ANXA10: variants seen among roughly 807,000 people sequenced by gnomAD.
ANXA10 encodes the protein annexin 14.
A neutral mutation model predicts 53.5 loss-of-function variants in ANXA10; 49 were observed. The ratio of observed to expected loss-of-function variants is 0.92; its 90% CI spans 0.73 to 1.16. The LOEUF (loss-of-function observed/expected upper bound fraction) is 1.16. Among genes scored for constraint, ANXA10 ranks in the 50% most tolerant of loss-of-function variants. ANXA10 has a pLI of 0.00. For synonymous variants in ANXA10, 131 were observed against 128.9 expected, an observed-to-expected ratio of 1.02 and a Z score of -0.11; for missense variants, 393 against 394.4, an observed-to-expected ratio of 1.00 and a Z score of 0.03.
chr4:168,166,434 T>C (rs1731879070), intron 6 of ANXA10, among the ~76,000 whole-genome samples: 1 of 152,190 alleles, frequency 6.6e-6, no homozygotes, highest in South Asian at 2.1e-4. Flanking sequence ...CAAATAATAT[T>C]TTTAAAGATA....
At chr4:168,177,033 G>A (rs1407205547) in intron 6 of ANXA10, among the ~76,000 whole-genome samples, 1 of 152,066 alleles carries the variant, frequency 6.6e-6, no homozygotes, top group East Asian at 1.9e-4. Context: ...AGAAGCTACT[G>A]TACTTTCAGT....
chr4:168,098,757 T>A (rs1579197848), intron 1 of ANXA10, among the ~76,000 whole-genome samples: 1 of 152,082 alleles, frequency 6.6e-6, no homozygotes, highest in East Asian at 1.9e-4. Flanking sequence ...TTTATTTATG[T>A]CCTCTAGACA....
chr4:168,096,926 A>ATATATATATATATATG (rs371811709), intron 1 of ANXA10, among the ~76,000 whole-genome samples: 3,198 of 129,758 alleles, frequency 0.025, 66 homozygotes, highest in Non-Finnish European at 0.037. Context: ...ATATATATAT[A>ATATATATATATATATG]TATGTATGTA....
intron 2 of ANXA10, among the ~76,000 whole-genome samples, chr4:168,128,903 G>T (rs28538797): frequency 0.022 from 3,369 of 151,850 alleles, 119 homozygotes; most frequent in African/African-American, 0.076. Context: ...AAAGTATATA[G>T]AGAGAGAAGA....
chr4:168,167,852 T>A, intron 6 of ANXA10, among the ~76,000 whole-genome samples: 1 of 152,212 alleles, frequency 6.6e-6, no homozygotes, highest in Non-Finnish European at 1.5e-5. Context: ...AAGGTAAAAC[T>A]GGCCGGGTAT....
chr4:168,131,122 T>C lies in ANXA10; in HGVS notation c.100+2957T>C, dbSNP rs539965475. Among the ~76,000 whole-genome samples, 6 of 152,126 alleles carry C rather than the reference T, an allele frequency of 3.9e-5. No homozygotes were observed. The South Asian group carries it at 1.0e-3, about 26-fold the overall frequency. ...ATTTCTTTTTGTTTCTCTATATGCA[T>C]TTTTCTCTAAGCATTGCTTTTGCTC... On this transcript the variant is annotated intron_variant, in intron 2 of 11. Coordinates refer to ENST00000359299, the MANE Select transcript of ANXA10 (RefSeq NM_007193.5).
rs1186477963 is a variant in ANXA10 at position 168,145,276 on chromosome 4, GT to G, written c.195+5700del. Among the ~76,000 whole-genome samples the G allele has an allele frequency of 3.9e-5, 6 of 152,174 alleles. No individual in the cohort carries two copies. In the East Asian group the frequency reaches 1.2e-3, roughly 29 times the overall value. The stretch of plus-strand genomic sequence containing the variant: ...ATAAGATCAAGTGTATAACACTGAT[GT>G]TTTCCTGAGGAACAATTTAGGGAGG... On this transcript the variant is annotated intron_variant, in intron 3 of 11. Coordinates refer to ENST00000359299, the MANE Select transcript of ANXA10 (RefSeq NM_007193.5).
chr4:168,164,596 C>T (rs1315483791), intron 5 of ANXA10, among the ~76,000 whole-genome samples: 2 of 152,038 alleles, frequency 1.3e-5, no homozygotes, highest in Non-Finnish European at 2.9e-5. Flanking sequence ...CACCTCTTAC[C>T]CAGGAAAGAC....
rs1732394418 is a variant in ANXA10 at position 168,187,521 on chromosome 4, A to T, written c.*87A>T. ...CTCACAAATTTGTACTGTTCATGGC[A>T]CTATTAACAAAACTATACAATCATA... is the stretch of plus-strand genomic sequence containing the variant. On this transcript the variant is annotated 3_prime_UTR_variant, in exon 12 of 12. Transcript: ENST00000359299. 2.6e-6 allele frequency: 2 copies of T among 764,314 alleles called. No homozygotes were observed. Among genetic ancestry groups the T allele is most frequent in the East Asian group, 5.8e-5 (2 of 34,628 alleles). The allele number at this position is 764,314 out of a possible 1,614,324, so 47.3% of individuals were successfully genotyped here.
At chr4:168,156,182 A>ATTATATATTATCT (rs1287860046) in intron 3 of ANXA10, among the ~76,000 whole-genome samples, 3 of 16,746 alleles carry the variant, frequency 1.8e-4, no homozygotes, top group Non-Finnish European at 1.8e-4. Flanking sequence ...TATATTATAT[A>ATTATATATTATCT]TTATATATTA....
At chr4:168,156,262 G>A (rs1258723837) in intron 3 of ANXA10, among the ~76,000 whole-genome samples, 2 of 15,982 alleles carry the variant, frequency 1.3e-4, no homozygotes, top group Admixed American at 1.4e-3. Context: ...TATATATAAT[G>A]TATATATTAT....
At chr4:168,133,951 A>G (rs1266679980) in intron 2 of ANXA10, among the ~76,000 whole-genome samples, 3 of 147,082 alleles carry the variant, frequency 2.0e-5, no homozygotes, top group African/African-American at 8.2e-5. Context: ...AAAACTTATA[A>G]TGATTACAAA....
intron 1 of ANXA10, among the ~76,000 whole-genome samples, chr4:168,099,550 A>G (rs538047852): frequency 1.3e-5 from 2 of 152,248 alleles, no homozygotes; most frequent in African/African-American, 2.4e-5. Context: ...TGGTTTTGAA[A>G]TAAGACTTTT....
intron 1 of ANXA10, among the ~76,000 whole-genome samples, chr4:168,099,343 C>T (rs1312461039): frequency 1.3e-5 from 2 of 151,970 alleles, no homozygotes; most frequent in Non-Finnish European, 1.5e-5. Context: ...TCAAAGATGC[C>T]GAAAGAGAGA....
intron 3 of ANXA10, among the ~76,000 whole-genome samples, chr4:168,152,853 T>C (rs533388656): frequency 1.3e-5 from 2 of 150,564 alleles, no homozygotes; most frequent in East Asian, 1.9e-4. Flanking sequence ...AATATATCTA[T>C]TGTTTTTGAG....
chr4:168,116,233 A>G (rs1261113471), intron 1 of ANXA10, among the ~76,000 whole-genome samples: 1 of 152,054 alleles, frequency 6.6e-6, no homozygotes, highest in Non-Finnish European at 1.5e-5. Flanking sequence ...TAGACAAAAC[A>G]CGTGCAGAAA....
At chr4:168,096,435 T>C (rs1730541377) in intron 1 of ANXA10, among the ~76,000 whole-genome samples, 1 of 152,170 alleles carries the variant, frequency 6.6e-6, no homozygotes, top group Non-Finnish European at 1.5e-5. Context: ...GTAGAACTAA[T>C]AAGAGTTGGA....
At chr4:168,117,939 C>CTCACTCA (rs1560962422) in intron 1 of ANXA10, among the ~76,000 whole-genome samples, 139 of 130,342 alleles carry the variant, frequency 1.1e-3, no homozygotes, top group Non-Finnish European at 1.4e-3. Flanking sequence ...TCACTCACTC[C>CTCACTCA]CTCCCTCCCT....
At chr4:168,181,778 A>G (rs767417289) in intron 10 of ANXA10, 37 bp downstream of exon 10, 2 of 1,376,708 alleles carry the variant, frequency 1.5e-6, no homozygotes, top group East Asian at 2.3e-5. Context: ...TTCTCCAGAA[A>G]TTGTGTCTGT....
Sources: allele counts gnomAD v4.1 joint callset (sites outside exome capture counted in the v4.1 genomes callset), GRCh38; gene constraint gnomAD v4.1.1; transcripts MANE v1.5; gene names NCBI Gene and HGNC (gene_info 2026-07-23, HGNC 2026-07-21).